PDK3: variants seen among roughly 807,000 people sequenced by gnomAD.
PDK3 encodes pyruvate dehydrogenase kinase, isozyme 3.
In PDK3, 12 loss-of-function variants were observed where a neutral mutation model predicts 32.0. The observed-to-expected ratio is 0.37, with a 90% CI of 0.24 to 0.61. The LOEUF (loss-of-function observed/expected upper bound fraction) is 0.61. Ranked by LOEUF, PDK3 falls within the 20% of genes least tolerant of loss-of-function variation. The pLI, the probability that PDK3 is intolerant of heterozygous loss-of-function variation, is 0.65. For missense variants in PDK3, 188 were observed against 316.9 expected (o/e 0.59, Z 3.09); for synonymous variants, 122 against 116.3 (o/e 1.05, Z -0.31).
intron 9 of PDK3, among the ~76,000 whole-genome samples, chrX:24,530,242 T>C (rs1922619260): frequency 9.0e-6 from 1 of 111,536 alleles, no homozygotes; most frequent in African/African-American, 3.3e-5. Context: ...CCTTAAATAA[T>C]GGGGTACGTT....
At chrX:24,482,878 A>G (rs1421323423) in intron 1 of PDK3, among the ~76,000 whole-genome samples, 2 of 112,370 alleles carry the variant, frequency 1.8e-5, no homozygotes, top group Admixed American at 9.4e-5. Flanking sequence ...CTTATCTACA[A>G]AATAGAAATG....
At chrX:24,468,647 G>C (rs535452020) in intron 1 of PDK3, among the ~76,000 whole-genome samples, 5 of 112,137 alleles carry the variant, frequency 4.5e-5, no homozygotes, top group Non-Finnish European at 7.5e-5. Context: ...ATGATCTTCT[G>C]TCTGATCTGC....
chrX:24,527,685 T>C lies in PDK3; in HGVS notation c.852+10T>C. On this transcript the variant is annotated intron_variant, in intron 8 of 10. Coordinates refer to ENST00000379162, the MANE Select transcript of PDK3 (RefSeq NM_005391.5). The stretch of plus-strand genomic sequence containing the variant: ...AGACTTATCCATTAAGGTAACTGTT[T>C]TATGTGCATGTATACTTTAATTATC... 4 of 934,935 alleles carry C rather than the reference T, an allele frequency of 4.3e-6. No individual in the cohort carries two copies. The highest frequency in any genetic ancestry group is 6.1e-6 in the Non-Finnish European group (4 of 656,681). The allele number at this position is 934,935 out of a possible 1,213,427, so 77.0% of individuals were successfully genotyped here.
At chrX:24,534,791 A>C (rs1922734987), downstream of PDK3, among the ~76,000 whole-genome samples, 1 of 111,762 alleles carries the variant, frequency 8.9e-6, no homozygotes, top group Non-Finnish European at 1.9e-5. Context: ...CTCAGCAAAA[A>C]ATTTAAAAAG....
At chrX:24,515,182 G>A (rs1001403084) in intron 5 of PDK3, among the ~76,000 whole-genome samples, 3 of 112,366 alleles carry the variant, frequency 2.7e-5, no homozygotes, top group African/African-American at 9.7e-5. Flanking sequence ...TGGCTAGCTG[G>A]TGTATGTGAG....
At chrX:24,494,506 T>A (rs1158097832) in intron 1 of PDK3, among the ~76,000 whole-genome samples, 2 of 112,218 alleles carry the variant, frequency 1.8e-5, no homozygotes, top group African/African-American at 6.5e-5. Context: ...GGAACGTTTT[T>A]GTGTTAAGAA....
intron 3 of PDK3, among the ~76,000 whole-genome samples, chrX:24,500,557 G>A (rs980188105): frequency 1.8e-5 from 2 of 112,599 alleles, no homozygotes; most frequent in African/African-American, 6.5e-5. Context: ...TGAATCCAGT[G>A]TGTGCTTGAC....
At chrX:24,496,771 CTTTTTTTTTT>C (rs376346872) in intron 2 of PDK3, among the ~76,000 whole-genome samples, 5 of 35,407 alleles carry the variant, frequency 1.4e-4, no homozygotes, top group African/African-American at 5.9e-4. Context: ...TCAAAATAAT[CTTTTTTTTTT>C]TTTTTTTTTT....
At chrX:24,485,791 T>G (rs1300084732) in intron 1 of PDK3, among the ~76,000 whole-genome samples, 1 of 111,321 alleles carries the variant, frequency 9.0e-6, no homozygotes, top group Non-Finnish European at 1.9e-5. Flanking sequence ...CAGGGAGCTC[T>G]CTCCGCCAAG....
In PDK3 at chrX:24,465,672, A is replaced by G. The variant is rs1333315211; in HGVS notation, c.106+111A>G. ...GTCTGTGGGAACCGCAGGCGGGGCT[A>G]GGGAATATCCGGGGGGCTCTCCTGG... is the stretch of plus-strand genomic sequence containing the variant. On this transcript the variant is annotated intron_variant, in intron 1 of 10. Transcript: ENST00000379162. 6 of 581,922 alleles carry G rather than the reference A, an allele frequency of 1.0e-5. No individual in the cohort carries two copies. In the South Asian group the frequency reaches 1.5e-4, roughly 15 times the overall value. 48.0% of individuals were successfully genotyped at this position (581,922 alleles called of 1,213,427 possible).
At chrX:24,522,372 T>A (rs1922418474) in intron 6 of PDK3, among the ~76,000 whole-genome samples, 1 of 111,694 alleles carries the variant, frequency 9.0e-6, no homozygotes, top group Non-Finnish European at 1.9e-5. Flanking sequence ...GAAAGAAATC[T>A]AAACTGTAAT....
At chrX:24,541,430 G>A (rs1244335126) in exon 12 of PDK3, among the ~76,000 whole-genome samples, 1 of 111,176 alleles carries the variant, frequency 9.0e-6, no homozygotes, top group African/African-American at 3.3e-5. Context: ...GCCGAATATG[G>A]ATAATATGGT....
intron 7 of PDK3, among the ~76,000 whole-genome samples, chrX:24,526,510 T>G (rs1177947516): frequency 8.9e-6 from 1 of 112,436 alleles, no homozygotes; most frequent in Non-Finnish European, 1.9e-5. Flanking sequence ...TAATTGCACT[T>G]TAGTGATTTT....
intron 1 of PDK3, among the ~76,000 whole-genome samples, chrX:24,488,517 C>T (rs779556434): frequency 2.7e-5 from 3 of 111,320 alleles, no homozygotes; most frequent in South Asian, 3.8e-4. Flanking sequence ...GGTGAAACCC[C>T]GTCTCTACTA....
At chrX:24,549,074 T>C (rs1923051603) in exon 12 of PDK3, 1 of 111,683 alleles carries the variant, frequency 9.0e-6, no homozygotes, top group Non-Finnish European at 1.9e-5. Context: ...GAAGTTAATA[T>C]CCCAAATGTT....
In PDK3 at chrX:24,526,177, TG is replaced by T; in HGVS notation, c.674-19del. The T allele has an allele frequency of 8.7e-7, 1 of 1,155,688 alleles. No homozygotes were observed. The highest frequency in any genetic ancestry group is 1.2e-6 in the Non-Finnish European group (1 of 847,307). On this transcript the variant is annotated intron_variant, in intron 6 of 10. Transcript: ENST00000379162. ...CCTACTTTGGGTCCTTATTGATTGATGGTTTTGTCTCTGTTTTCAGCCAAAG... is the reference window on the plus strand; with the variant it reads ...CCTACTTTGGGTCCTTATTGATTGATGTTTTGTCTCTGTTTTCAGCCAAAG...
At chrX:24,537,282 A>ATTTTTTTT (rs1167543267), downstream of PDK3, among the ~76,000 whole-genome samples, 429 of 65,481 alleles carry the variant, frequency 6.6e-3, no homozygotes, top group Non-Finnish European at 9.3e-3. Flanking sequence ...ACGCCTGGCT[A>ATTTTTTTT]TTTTTTTTTT....
intron 6 of PDK3, among the ~76,000 whole-genome samples, chrX:24,521,734 G>T (rs1467161229): frequency 2.7e-5 from 3 of 111,604 alleles, no homozygotes; most frequent in Non-Finnish European, 5.7e-5. Flanking sequence ...GTCATGCTGG[G>T]CAGCTCACCC....
chrX:24,472,675 C>CTTTTTTTTTTTTTTTTTT (rs761538432), intron 1 of PDK3, among the ~76,000 whole-genome samples: 3 of 49,717 alleles, frequency 6.0e-5, no homozygotes, highest in Admixed American at 2.7e-4. Flanking sequence ...TTCTTTCTTT[C>CTTTTTTTTTTTTTTTTTT]TTTTTTTTTT....
Sources: allele counts gnomAD v4.1 joint callset (sites outside exome capture counted in the v4.1 genomes callset), GRCh38; gene constraint gnomAD v4.1.1; transcripts MANE v1.5; gene names NCBI Gene and HGNC (gene_info 2026-07-23, HGNC 2026-07-21).